APBB1IP: variants seen among roughly 807,000 people sequenced by gnomAD.
The protein encoded by APBB1IP is amyloid beta A4 precursor protein-binding family B member 1-interacting protein.
A neutral mutation model predicts 64.9 loss-of-function variants in APBB1IP; 27 were observed. The ratio of observed to expected loss-of-function variants is 0.42; its 90% CI spans 0.31 to 0.57. The LOEUF (loss-of-function observed/expected upper bound fraction) is 0.57. APBB1IP is among the 20% of genes least tolerant of loss of function. The probability of loss-of-function intolerance (pLI) is 0.20; values close to 1 mark genes in which losing one functional copy is unlikely to be tolerated. For missense variants in APBB1IP, 812 were observed against 845.5 expected, an observed-to-expected ratio of 0.96 and a Z score of 0.49; for synonymous variants, 392 against 331.0, an observed-to-expected ratio of 1.18 and a Z score of -2.00.
intron 8 of APBB1IP, among the ~76,000 whole-genome samples, chr10:26,518,532 T>C (rs1219421601): frequency 6.6e-6 from 1 of 152,206 alleles, no homozygotes; most frequent in Admixed American, 6.5e-5. Context: ...AGCCTCCCAT[T>C]AACATTGTAT....
Position 26,560,018 on chromosome 10 carries a change from G to A in APBB1IP, c.1156-87G>A. 5.5e-6 allele frequency: 6 copies of A among 1,089,952 alleles called. No individual in the cohort carries two copies. In the South Asian group the frequency reaches 6.3e-5, roughly 11 times the overall value. 67.5% of individuals were successfully genotyped at this position (1,089,952 alleles called of 1,614,324 possible). On this transcript the variant is annotated intron_variant, in intron 11 of 14. Coordinates refer to ENST00000376236, the MANE Select transcript of APBB1IP (RefSeq NM_019043.4). ...GCCACATAAATCACATATATTGTTA[G>A]AGATTTTTTTTAAATTTCCTGACAG...
chr10:26,460,084 T>G (rs1835572041), intron 2 of APBB1IP, among the ~76,000 whole-genome samples: 1 of 152,180 alleles, frequency 6.6e-6, no homozygotes, highest in African/African-American at 2.4e-5. Context: ...AATGCTAAAT[T>G]CTTAATTACA....
At chr10:26,536,766 C>G (rs1162702183) in intron 10 of APBB1IP, among the ~76,000 whole-genome samples, 1 of 139,648 alleles carries the variant, frequency 7.2e-6, no homozygotes. Flanking sequence ...CCACCATGCC[C>G]AGCTGATGTT....
intron 11 of APBB1IP, among the ~76,000 whole-genome samples, chr10:26,545,621 G>A (rs1197984354): frequency 2.6e-5 from 4 of 152,096 alleles, no homozygotes; most frequent in Non-Finnish European, 4.4e-5. Flanking sequence ...TTAGCCGGGC[G>A]TGGTAGCGGG....
At chr10:26,499,088 A>C in intron 4 of APBB1IP, among the ~76,000 whole-genome samples, 1 of 152,052 alleles carries the variant, frequency 6.6e-6, no homozygotes, top group East Asian at 1.9e-4. Context: ...ACATAATGAG[A>C]CCACTGTCTC....
intron 13 of APBB1IP, among the ~76,000 whole-genome samples, chr10:26,561,520 C>T (rs1308066130): frequency 6.6e-6 from 1 of 151,022 alleles, no homozygotes; most frequent in African/African-American, 2.4e-5. Context: ...GTGTTGATCT[C>T]CTGTTTACAG....
chr10:26,480,567 T>C (rs1835822747), intron 2 of APBB1IP, among the ~76,000 whole-genome samples: 1 of 151,846 alleles, frequency 6.6e-6, no homozygotes, highest in South Asian at 2.1e-4. Flanking sequence ...AGAGAGATCA[T>C]TGGTAATCTC....
Position 26,562,432 on chromosome 10 carries a change from A to G in APBB1IP, c.1473+3A>G. 6.2e-7 allele frequency: 1 copy of G among 1,612,004 alleles called. No individual in the cohort carries two copies. The highest frequency in any genetic ancestry group is 8.5e-7 in the Non-Finnish European group (1 of 1,178,258). ...AGAGACATGCTGAAACATCGAAGGT[A>G]AAACCAGCAAGCAGCTGACCCCTAT... On this transcript the variant is annotated splice_donor_region_variant and intron_variant, in intron 14 of 14. Transcript: ENST00000376236.
In APBB1IP at chr10:26,460,345, C is replaced by T. The variant is rs150609725; in HGVS notation, c.-1+21492C>T. On this transcript the variant is annotated intron_variant, in intron 2 of 14. Coordinates refer to ENST00000376236, the MANE Select transcript of APBB1IP (RefSeq NM_019043.4). The stretch of plus-strand genomic sequence containing the variant: ...GTCAAGAAAGACAAAGAATTTGTTG[C>T]AATGCACTTGTCCATCTCAAATTGT... Among the ~76,000 whole-genome samples, 202 of 152,284 alleles carry T rather than the reference C, an allele frequency of 1.3e-3. 5 individuals are homozygous for T. The South Asian group carries it at 0.025, about 19-fold the overall frequency.
intron 10 of APBB1IP, among the ~76,000 whole-genome samples, chr10:26,539,400 A>G (rs1280981705): frequency 3.3e-5 from 4 of 121,666 alleles, no homozygotes; most frequent in Non-Finnish European, 7.0e-5. Context: ...TGACAATATG[A>G]GATCCTGAAA....
At chr10:26,488,306 G>A (rs1326291553) in intron 2 of APBB1IP, among the ~76,000 whole-genome samples, 1 of 151,606 alleles carries the variant, frequency 6.6e-6, no homozygotes, top group Non-Finnish European at 1.5e-5. Flanking sequence ...CACCATCATA[G>A]TTCACTGCAG....
intron 2 of APBB1IP, among the ~76,000 whole-genome samples, chr10:26,464,613 T>C (rs1163777419): frequency 6.6e-6 from 1 of 152,158 alleles, no homozygotes; most frequent in Non-Finnish European, 1.5e-5. Flanking sequence ...CTTGTTGTGT[T>C]GCCCAGGCTG....
chr10:26,464,159 T>C (rs1347241394), intron 2 of APBB1IP, among the ~76,000 whole-genome samples: 1 of 152,216 alleles, frequency 6.6e-6, no homozygotes, highest in African/African-American at 2.4e-5. Flanking sequence ...GTCCCTTCTC[T>C]GTAGCATCTT....
chr10:26,496,850 G>C (rs1441549161), intron 4 of APBB1IP, among the ~76,000 whole-genome samples: 2 of 150,634 alleles, frequency 1.3e-5, no homozygotes, highest in Non-Finnish European at 3.0e-5. Flanking sequence ...TAGTCTACTT[G>C]ACATTTTTTC....
Position 26,567,300 on chromosome 10 carries a change from C to CCGCCCGCGCCCG in APBB1IP, c.1821_1832dup (p.Ala609_Pro612dup). ...AGAGCTGCCCCCGCCGCCGCCGCCG[C>CCGCCCGCGCCCG]CGCCCGCGCCCGCGCCCGCCCCCGT... On this transcript the variant is annotated inframe_insertion, in exon 15 of 15. Coordinates refer to ENST00000376236, the MANE Select transcript of APBB1IP (RefSeq NM_019043.4). 1 of 1,076,988 alleles carries CCGCCCGCGCCCG rather than the reference C, an allele frequency of 9.3e-7. No individual in the cohort carries two copies. The highest frequency in any genetic ancestry group is 3.9e-5 in the South Asian group (1 of 25,926). The allele number at this position is 1,076,988 out of a possible 1,614,324, so 66.7% of individuals were successfully genotyped here.
chr10:26,449,530 T>TTG (rs1483455840), intron 2 of APBB1IP, among the ~76,000 whole-genome samples: 4 of 152,276 alleles, frequency 2.6e-5, no homozygotes, highest in Admixed American at 1.3e-4. Flanking sequence ...TTGTTTTGTT[T>TTG]TGTGTGTGTG....
At chr10:26,493,995 C>T (rs1379458515) in intron 3 of APBB1IP, among the ~76,000 whole-genome samples, 2 of 152,076 alleles carry the variant, frequency 1.3e-5, no homozygotes, top group Non-Finnish European at 2.9e-5. Flanking sequence ...CGCCACCACA[C>T]CCAGCTAATT....
chr10:26,511,982 C>CT, intron 7 of APBB1IP, 76 bp downstream of exon 7: 11 of 1,452,314 alleles, frequency 7.6e-6, no homozygotes, highest in Middle Eastern at 1.8e-4. Flanking sequence ...TGGGTTTATT[C>CT]TTTTTTTCTC....
chr10:26,480,620 C>CTT lies in APBB1IP; in HGVS notation c.1-11682_1-11681dup, dbSNP rs535190399. ...TAATATTGGAATGGTTGAGCTGCTT[C>CTT]TTTTTTTTTTTTTTTTTTTTTTTTT... On this transcript the variant is annotated intron_variant, in intron 2 of 14. Transcript: ENST00000376236. Among the ~76,000 whole-genome samples the CTT allele has an allele frequency of 1.1e-3, 90 of 83,940 alleles. 1 individual carries two copies. Among genetic ancestry groups the CTT allele is most frequent in the Non-Finnish European group, 1.7e-3 (72 of 43,494 alleles). 55.1% of individuals were successfully genotyped at this position (83,940 alleles called of 152,430 possible).
Sources: allele counts gnomAD v4.1 joint callset (sites outside exome capture counted in the v4.1 genomes callset), GRCh38; gene constraint gnomAD v4.1.1; transcripts MANE v1.5; gene names NCBI Gene and HGNC (gene_info 2026-07-23, HGNC 2026-07-21).